Variants in KCNB2 observed in about 807,000 individuals in gnomAD.
KCNB2 encodes potassium voltage-gated channel subfamily B member 2, also known as delayed rectifier potassium channel protein.
A neutral mutation model predicts 61.5 loss-of-function variants in KCNB2; 15 were observed. The ratio of observed to expected loss-of-function variants is 0.24; its 90% CI spans 0.16 to 0.38. The LOEUF (loss-of-function observed/expected upper bound fraction) is 0.38, where lower values mean the gene tolerates loss of function less well. KCNB2 is among the 10% of genes least tolerant of loss of function. The pLI, the probability that KCNB2 is intolerant of heterozygous loss-of-function variation, is 1.00. For synonymous variants in KCNB2, 457 were observed against 446.0 expected (o/e 1.02, Z -0.31); for missense variants, 828 against 1,125.2 (o/e 0.74, Z 3.78).
At chr8:72,609,766 G>A (rs938766112) in intron 2 of KCNB2, among the ~76,000 whole-genome samples, 5 of 152,134 alleles carry the variant, frequency 3.3e-5, no homozygotes, top group African/African-American at 4.8e-5. Flanking sequence ...AGACTACAGA[G>A]CACTATGTTT....
At chr8:72,780,415 A>G (rs773142232) in intron 2 of KCNB2, among the ~76,000 whole-genome samples, 2 of 152,240 alleles carry the variant, frequency 1.3e-5, no homozygotes, top group Non-Finnish European at 2.9e-5. Context: ...ATGTAGAAAG[A>G]GATCTGAAAA....
chr8:72,729,702 G>A (rs1006613689), intron 2 of KCNB2, among the ~76,000 whole-genome samples: 1 of 152,128 alleles, frequency 6.6e-6, no homozygotes, highest in Non-Finnish European at 1.5e-5. Context: ...TGACCAACAT[G>A]GAGAAACGCT....
At chr8:72,838,264 A>C (rs891334899) in intron 2 of KCNB2, among the ~76,000 whole-genome samples, 3 of 151,976 alleles carry the variant, frequency 2.0e-5, no homozygotes, top group Non-Finnish European at 4.4e-5. Flanking sequence ...TCCTTCCCCC[A>C]GCCCCCCACC....
intron 2 of KCNB2, among the ~76,000 whole-genome samples, chr8:72,581,598 C>T (rs749775109): frequency 2.0e-5 from 3 of 152,164 alleles, no homozygotes; most frequent in Non-Finnish European, 4.4e-5. Context: ...CTGATTCTAG[C>T]GATTAGACCT....
intron 2 of KCNB2, among the ~76,000 whole-genome samples, chr8:72,836,488 A>G (rs755500319): frequency 2.6e-5 from 4 of 152,180 alleles, no homozygotes; most frequent in South Asian, 2.1e-4. Context: ...TGGAGTTTTC[A>G]TGGTTTCCTA....
At position 72,537,449 on chromosome 8, in the gene KCNB2, C is replaced by T. The variant is rs561560413; in HGVS notation, c.-530C>T. 2.0e-5 allele frequency: 3 copies of T among 152,646 alleles called. No individual in the cohort carries two copies. The highest frequency in any genetic ancestry group is 4.4e-5 in the Non-Finnish European group (3 of 68,022). The allele number at this position is 152,646 out of a possible 1,614,324, so 9.5% of individuals were successfully genotyped here. On this transcript the variant is annotated 5_prime_UTR_variant, in exon 1 of 3. Coordinates refer to ENST00000523207, the MANE Select transcript of KCNB2 (RefSeq NM_004770.3). ...CGGCAACTCCCGGGCTGGCGCGGCT[C>T]GCTTTCTGGCTCCTTCCGCGCGGCG...
At chr8:72,895,186 A>G (rs1378528735) in intron 2 of KCNB2, among the ~76,000 whole-genome samples, 1 of 152,234 alleles carries the variant, frequency 6.6e-6, no homozygotes, top group African/African-American at 2.4e-5. Context: ...AGGTTATGTC[A>G]TATGGCAGAA....
intron 2 of KCNB2, among the ~76,000 whole-genome samples, chr8:72,843,090 T>C (rs995619515): frequency 2.6e-5 from 4 of 152,208 alleles, no homozygotes; most frequent in African/African-American, 9.7e-5. Context: ...TAAATTTCCC[T>C]CTAAACACTG....
rs147239924 is a variant in KCNB2 at position 72,882,520 on chromosome 8, T to TGAGAGAGAGAGAGAGAGAGA, written c.580-53398_580-53379dup. On this transcript the variant is annotated intron_variant, in intron 2 of 2. Coordinates refer to ENST00000523207, the MANE Select transcript of KCNB2 (RefSeq NM_004770.3). ...TTTGACCATGCCAACTGCTGACAGT[T>TGAGAGAGAGAGAGAGAGAGA]GAGAGAGAGAGAGAGAGAGAGAGAG... Among the ~76,000 whole-genome samples the TGAGAGAGAGAGAGAGAGAGA allele has an allele frequency of 3.4e-3, 387 of 115,346 alleles. 8 individuals are homozygous for TGAGAGAGAGAGAGAGAGAGA. The highest frequency in any genetic ancestry group is 4.2e-3 in the Non-Finnish European group (229 of 54,236). The allele number at this position is 115,346 out of a possible 152,430, so 75.7% of individuals were successfully genotyped here.
chr8:72,838,738 A>G (rs1809827368), intron 2 of KCNB2, among the ~76,000 whole-genome samples: 1 of 152,198 alleles, frequency 6.6e-6, no homozygotes, highest in Non-Finnish European at 1.5e-5. Flanking sequence ...TATGTGTGCA[A>G]TAAAATGGAT....
intron 2 of KCNB2, among the ~76,000 whole-genome samples, chr8:72,867,266 G>A (rs1171924085): frequency 6.6e-6 from 1 of 152,118 alleles, no homozygotes; most frequent in Non-Finnish European, 1.5e-5. Flanking sequence ...TGAGAAATCA[G>A]GTAGCTCCAG....
chr8:72,853,035 G>GAA, intron 2 of KCNB2, among the ~76,000 whole-genome samples: 1 of 152,162 alleles, frequency 6.6e-6, no homozygotes, highest in Non-Finnish European at 1.5e-5. Flanking sequence ...CAATTGTGTT[G>GAA]AAAAGAGCAC....
At chr8:72,865,074 C>G (rs1010024393) in intron 2 of KCNB2, among the ~76,000 whole-genome samples, 1 of 152,188 alleles carries the variant, frequency 6.6e-6, no homozygotes, top group Non-Finnish European at 1.5e-5. Context: ...TTGGTCTCTT[C>G]CCAGAATTAT....
At chr8:72,675,387 T>G (rs1806635474) in intron 2 of KCNB2, among the ~76,000 whole-genome samples, 1 of 152,110 alleles carries the variant, frequency 6.6e-6, no homozygotes. Context: ...GACAATATAA[T>G]AGATGTTTTC....
intron 1 of KCNB2, among the ~76,000 whole-genome samples, chr8:72,565,444 A>G (rs1806609139): frequency 6.6e-6 from 1 of 152,188 alleles, no homozygotes. Context: ...TGACTGTGTG[A>G]AACATGATGT....
At chr8:72,752,278 A>T (rs887143765) in intron 2 of KCNB2, among the ~76,000 whole-genome samples, 2 of 152,206 alleles carry the variant, frequency 1.3e-5, no homozygotes, top group African/African-American at 2.4e-5. Flanking sequence ...ATGATAGTTA[A>T]TTTCATGTGT....
intron 2 of KCNB2, among the ~76,000 whole-genome samples, chr8:72,635,990 A>T (rs993631098): frequency 6.6e-6 from 1 of 152,164 alleles, no homozygotes; most frequent in East Asian, 1.9e-4. Context: ...ACTGTACTTT[A>T]TAGGGTTTTC....
chr8:72,694,686 A>T (rs1806989771), intron 2 of KCNB2, among the ~76,000 whole-genome samples: 1 of 152,058 alleles, frequency 6.6e-6, no homozygotes, highest in Non-Finnish European at 1.5e-5. Flanking sequence ...ACTGAATTGT[A>T]TTACCTTTAT....
rs144840120 is a variant in KCNB2 at position 72,554,019 on chromosome 8, G to A, written c.-93-13623G>A. Among the ~76,000 whole-genome samples, 202 of 152,080 alleles carry A rather than the reference G, an allele frequency of 1.3e-3. 1 individual carries two copies. Among genetic ancestry groups the A allele is most frequent in the African/African-American group, 4.2e-3 (173 of 41,532 alleles). ...CAAAGCCCCATGAATTAAAATATCC[G>A]TGTCATTTGCTGGTACTTTATATTA... On this transcript the variant is annotated intron_variant, in intron 1 of 2. Transcript: ENST00000523207.
Sources: allele counts gnomAD v4.1 joint callset (sites outside exome capture counted in the v4.1 genomes callset), GRCh38; gene constraint gnomAD v4.1.1; transcripts MANE v1.5; gene names NCBI Gene and HGNC (gene_info 2026-07-23, HGNC 2026-07-21).